CNTN3: variants seen among roughly 807,000 people sequenced by gnomAD.
CNTN3 encodes contactin 3, also known as contactin-3.
CNTN3 carries 60 observed loss-of-function variants against 119.1 expected under a neutral mutation model. The ratio of observed to expected loss-of-function variants is 0.50; its 90% CI spans 0.41 to 0.62. The LOEUF (loss-of-function observed/expected upper bound fraction) is 0.62. Among genes scored for constraint, CNTN3 ranks in the 20% least tolerant of loss-of-function variants. The pLI is 0.00. For synonymous variants in CNTN3, 450 were observed against 438.7 expected (o/e 1.03, Z -0.32); for missense variants, 1,101 against 1,242.4 (o/e 0.89, Z 1.71).
At chr3:74,317,430 C>T (rs147526186) in intron 13 of CNTN3, among the ~76,000 whole-genome samples, 1 of 152,120 alleles carries the variant, frequency 6.6e-6, no homozygotes, top group Non-Finnish European at 1.5e-5. Context: ...TTCTTCCTAG[C>T]CCTGATGGTC....
Position 74,504,812 on chromosome 3 carries a change from G to T in CNTN3, c.56-5027C>A, listed in dbSNP as rs139513359. Among the ~76,000 whole-genome samples the T allele has an allele frequency of 2.6e-3, 401 of 152,204 alleles. 4 individuals carry two copies. The highest frequency in any genetic ancestry group is 9.0e-3 in the African/African-American group (376 of 41,558). On this transcript the variant is annotated intron_variant, in intron 2 of 22. Transcript: ENST00000263665. Reference sequence around the variant, plus strand: ...CTCGGCTGGGAAGAAGGGTAGCCAGGGGAGATTGGCTTATGAGACCACTAA... The same window carrying T: ...CTCGGCTGGGAAGAAGGGTAGCCAGTGGAGATTGGCTTATGAGACCACTAA...
intron 2 of CNTN3, among the ~76,000 whole-genome samples, chr3:74,516,625 A>T (rs778167725): frequency 4.0e-5 from 6 of 150,604 alleles, no homozygotes; most frequent in Non-Finnish European, 8.8e-5. Flanking sequence ...TTATACATAG[A>T]TTTTCATACT....
chr3:74,426,407 A>C (rs575895176), intron 4 of CNTN3, among the ~76,000 whole-genome samples: 1 of 152,302 alleles, frequency 6.6e-6, no homozygotes, highest in Non-Finnish European at 1.5e-5. Context: ...GGATATTTTC[A>C]ACTTTTCTTT....
rs1286361167 is a variant in CNTN3, at chr3:74,361,956, G to C, written c.1298C>G (p.Pro433Arg). 5.6e-6 allele frequency: 9 copies of C among 1,613,634 alleles called. No homozygotes were observed. The highest frequency in any genetic ancestry group is 6.8e-6 in the Non-Finnish European group (8 of 1,179,800). ...AGAGAGTGCCCTTGGGGAGGCTCTG[G>C]GTTTACAATCCAAGCTGACCAGGCT... is the stretch of plus-strand genomic sequence containing the variant. ...VGSLVSLDCKPRASPRALSSW... is the reference protein window; with the variant it reads ...VGSLVSLDCKRRASPRALSSW... The change falls in exon 11 of 23, where the codon CCC (proline) becomes CGC (arginine). Residue 433 changes from proline to arginine, a missense_variant. Physicochemically the swap from Pro to Arg is moderately radical, Grantham distance 103 (BLOSUM62 -2). Transcript: ENST00000263665.
At chr3:74,472,113 G>A (rs953223408) in intron 4 of CNTN3, among the ~76,000 whole-genome samples, 4 of 152,032 alleles carry the variant, frequency 2.6e-5, no homozygotes, top group East Asian at 1.9e-4. Flanking sequence ...GTTCAATTAC[G>A]AACATTCTAT....
intron 5 of CNTN3, among the ~76,000 whole-genome samples, chr3:74,375,463 G>A (rs537185599): frequency 6.6e-6 from 1 of 152,192 alleles, no homozygotes; most frequent in Non-Finnish European, 1.5e-5. Flanking sequence ...CTGAAAATAT[G>A]TTACTTGACA....
chr3:74,298,475 T>C (rs1180354223), intron 17 of CNTN3, among the ~76,000 whole-genome samples: 1 of 152,080 alleles, frequency 6.6e-6, no homozygotes, highest in Non-Finnish European at 1.5e-5. Context: ...GAGTTTCTAA[T>C]AGGAAGATAT....
rs530195074 is a variant in CNTN3, at chr3:74,369,244, G to A, written c.891C>T (p.Cys297=). The A allele has an allele frequency of 6.2e-7, 1 of 1,610,786 alleles. No homozygotes were observed. The highest frequency in any genetic ancestry group is 2.2e-5 in the East Asian group (1 of 44,672). The part of the protein sequence containing the change: ...FQQEDAGSYE[C]IAENSRGKNV... ...TTTTTCCTCGTGAATTCTCAGCAAT[G>A]CATTCATAGGAACCTGCATCTTCCT... Residue 297 remains cysteine (C), a synonymous_variant, in exon 8 of 23, where the codon TGC becomes TGT. Transcript: ENST00000263665.
intron 1 of CNTN3, among the ~76,000 whole-genome samples, chr3:74,572,081 T>TC (rs1287668490): frequency 6.6e-6 from 1 of 150,884 alleles, no homozygotes; most frequent in African/African-American, 2.4e-5. Context: ...AGAAAATACT[T>TC]TATCATTTTT....
At chr3:74,610,493 A>G (rs1367854026) in intron 1 of CNTN3, among the ~76,000 whole-genome samples, 2 of 152,166 alleles carry the variant, frequency 1.3e-5, no homozygotes, top group Non-Finnish European at 2.9e-5. Flanking sequence ...GGGTCTAAGA[A>G]GCTCTTGTTC....
intron 10 of CNTN3, among the ~76,000 whole-genome samples, chr3:74,363,075 G>GATAAA (rs1163866488): frequency 1.3e-5 from 2 of 152,098 alleles, no homozygotes; most frequent in Non-Finnish European, 2.9e-5. Context: ...TTTAAAGATG[G>GATAAA]ATAAACTATG....
At chr3:74,521,721 A>C (rs1703546477) in intron 1 of CNTN3, among the ~76,000 whole-genome samples, 1 of 151,886 alleles carries the variant, frequency 6.6e-6, no homozygotes, top group Admixed American at 6.6e-5. Flanking sequence ...AGATTTTAAA[A>C]TGCTAATGGT....
At chr3:74,378,109 G>A (rs1704523025) in intron 5 of CNTN3, among the ~76,000 whole-genome samples, 1 of 152,188 alleles carries the variant, frequency 6.6e-6, no homozygotes, top group African/African-American at 2.4e-5. Context: ...AAGCTTGCTT[G>A]ATGTCATTCA....
intron 19 of CNTN3, among the ~76,000 whole-genome samples, chr3:74,294,887 T>C (rs1323930009): frequency 6.6e-6 from 1 of 152,228 alleles, no homozygotes; most frequent in Non-Finnish European, 1.5e-5. Context: ...GCCCACGTGA[T>C]ACGTGATTTC....
intron 11 of CNTN3, among the ~76,000 whole-genome samples, chr3:74,357,437 C>T (rs1575748856): frequency 6.6e-6 from 1 of 151,992 alleles, no homozygotes; most frequent in Non-Finnish European, 1.5e-5. Context: ...TCATGCAGCA[C>T]CACACCCAGC....
chr3:74,303,222 C>T (rs566868535), intron 13 of CNTN3, among the ~76,000 whole-genome samples: 1 of 152,220 alleles, frequency 6.6e-6, no homozygotes, highest in Non-Finnish European at 1.5e-5. Flanking sequence ...ATGTGGGTAT[C>T]TAGTGGGAGA....
intron 1 of CNTN3, among the ~76,000 whole-genome samples, chr3:74,590,049 G>A (rs1704673413): frequency 6.6e-6 from 1 of 151,492 alleles, no homozygotes; most frequent in Non-Finnish European, 1.5e-5. Context: ...CATGGCACAT[G>A]TATACATATG....
intron 1 of CNTN3, among the ~76,000 whole-genome samples, chr3:74,537,646 A>G (rs1324918535): frequency 1.3e-5 from 2 of 152,110 alleles, no homozygotes; most frequent in Non-Finnish European, 2.9e-5. Context: ...GCAGTAGGGA[A>G]GGCAGAGGAA....
intron 1 of CNTN3, among the ~76,000 whole-genome samples, chr3:74,565,849 T>C (rs1202250451): frequency 3.3e-5 from 5 of 152,184 alleles, no homozygotes; most frequent in Admixed American, 6.5e-5. Flanking sequence ...TCATTTTGAC[T>C]TGTAGCTCCC....
Sources: allele counts gnomAD v4.1 joint callset (sites outside exome capture counted in the v4.1 genomes callset), GRCh38; gene constraint gnomAD v4.1.1; transcripts MANE v1.5; gene names NCBI Gene and HGNC (gene_info 2026-07-23, HGNC 2026-07-21).